ANO3: variants seen among roughly 807,000 people sequenced by gnomAD.
ANO3 encodes the protein anoctamin 3.
A neutral mutation model predicts 144.8 loss-of-function variants in ANO3; 99 were observed. The ratio of observed to expected loss-of-function variants is 0.68; its 90% CI spans 0.58 to 0.81. The LOEUF is 0.81. Ranked by LOEUF, ANO3 falls within the 30% of genes least tolerant of loss-of-function variation. The pLI, the probability that ANO3 is intolerant of heterozygous loss-of-function variation, is 0.00. For missense variants in ANO3, 905 were observed against 1,202.2 expected (o/e 0.75, Z 3.66); for synonymous variants, 414 against 392.6 (o/e 1.05, Z -0.64).
intron 1 of ANO3, among the ~76,000 whole-genome samples, chr11:26,408,986 G>A (rs1292904814): frequency 1.3e-5 from 2 of 151,518 alleles, no homozygotes; most frequent in East Asian, 2.0e-4. Context: ...GGGGTGGGGG[G>A]AGTGGGGAGG....
chr11:26,293,539 A>G (rs1854013305), intron 1 of ANO3, among the ~76,000 whole-genome samples: 3 of 88,338 alleles, frequency 3.4e-5, no homozygotes, highest in Admixed American at 1.2e-4. Flanking sequence ...CCATGTATAT[A>G]TATATATATA....
intron 1 of ANO3, among the ~76,000 whole-genome samples, chr11:26,407,708 C>T (rs914818487): frequency 1.3e-5 from 2 of 151,838 alleles, no homozygotes; most frequent in African/African-American, 4.8e-5. Flanking sequence ...AGCTTAAAAT[C>T]TTGCAATGGC....
At chr11:26,338,427 G>A (rs922291936) in intron 1 of ANO3, among the ~76,000 whole-genome samples, 2 of 152,224 alleles carry the variant, frequency 1.3e-5, no homozygotes, top group South Asian at 2.1e-4. Flanking sequence ...ACCTATCAGT[G>A]CTCTGTAAAA....
intron 1 of ANO3, among the ~76,000 whole-genome samples, chr11:26,358,891 A>G (rs1036610610): frequency 1.3e-5 from 2 of 152,128 alleles, no homozygotes; most frequent in African/African-American, 4.8e-5. Context: ...GGTTTTTCTC[A>G]TAAAATTTTG....
At chr11:26,479,954 A>G (rs996844581) in intron 4 of ANO3, among the ~76,000 whole-genome samples, 1 of 152,164 alleles carries the variant, frequency 6.6e-6, no homozygotes, top group East Asian at 1.9e-4. Context: ...TGAAAATGTC[A>G]TCGCTAGGGG....
intron 1 of ANO3, among the ~76,000 whole-genome samples, chr11:26,226,559 T>C (rs998870932): frequency 6.6e-6 from 1 of 152,174 alleles, no homozygotes; most frequent in Non-Finnish European, 1.5e-5. Context: ...CTTGAAATCA[T>C]AGTATATGAC....
chr11:26,377,395 A>G (rs1379639766), intron 1 of ANO3, among the ~76,000 whole-genome samples: 1 of 152,150 alleles, frequency 6.6e-6, no homozygotes, highest in African/African-American at 2.4e-5. Flanking sequence ...CCACATGAGC[A>G]TATTCATATA....
At chr11:26,640,143 T>C (rs7110072) in intron 21 of ANO3, among the ~76,000 whole-genome samples, 130,442 of 152,166 alleles carry the variant, frequency 0.86, 56,569 homozygotes, top group Non-Finnish European at 0.93. Flanking sequence ...AGCCTTAGAG[T>C]ATAGGCTGTG....
At chr11:26,470,600 CTATT>C (rs1045555072) in intron 4 of ANO3, among the ~76,000 whole-genome samples, 6 of 151,762 alleles carry the variant, frequency 4.0e-5, no homozygotes, top group Admixed American at 1.3e-4. Flanking sequence ...AATCTCTAAA[CTATT>C]TAAGGATAAT....
chr11:26,573,425 T>C (rs556872258), intron 14 of ANO3, among the ~76,000 whole-genome samples: 1 of 152,320 alleles, frequency 6.6e-6, no homozygotes, highest in Non-Finnish European at 1.5e-5. Flanking sequence ...AGTGGCTTAA[T>C]AGAATTCAAT....
chr11:26,243,037 G>A (rs1256523806), intron 1 of ANO3, among the ~76,000 whole-genome samples: 2 of 152,084 alleles, frequency 1.3e-5, no homozygotes, highest in Non-Finnish European at 2.9e-5. Flanking sequence ...GATTTCCTAG[G>A]TCTTGGTAAG....
chr11:26,441,863 T>C (rs1858531767), intron 1 of ANO3, 55 bp from the exon 2 acceptor site: 7 of 1,348,716 alleles, frequency 5.2e-6, no homozygotes, highest in Non-Finnish European at 7.2e-6. Context: ...AAACTTTTTA[T>C]TGACCTCTAC....
At chr11:26,264,643 C>A (rs1318223466) in intron 1 of ANO3, among the ~76,000 whole-genome samples, 1 of 152,056 alleles carries the variant, frequency 6.6e-6, no homozygotes, top group Admixed American at 6.6e-5. Context: ...TTTATTTTCC[C>A]TCAGTCCTGG....
intron 4 of ANO3, among the ~76,000 whole-genome samples, chr11:26,472,144 A>G (rs1450582662): frequency 6.6e-6 from 1 of 151,974 alleles, no homozygotes; most frequent in East Asian, 1.9e-4. Flanking sequence ...CTCAAATCAA[A>G]TAGTTCTCTA....
intron 4 of ANO3, among the ~76,000 whole-genome samples, chr11:26,478,344 T>C (rs1281232310): frequency 6.6e-6 from 1 of 152,144 alleles, no homozygotes. Flanking sequence ...TAACCTAGAA[T>C]AGCCTTTGTT....
chr11:26,255,884 G>A (rs577748719), intron 1 of ANO3, among the ~76,000 whole-genome samples: 1 of 152,262 alleles, frequency 6.6e-6, no homozygotes, highest in South Asian at 2.1e-4. Context: ...ATCCTCATCA[G>A]GACCCTGTTT....
Position 26,624,607 on chromosome 11 carries a change from G to C in ANO3, c.1873+109G>C. ...CATTTTAATAACTGCAATTATTTAA[G>C]TATTTACCAATTAAAAAGGAGAGGG... On this transcript the variant is annotated intron_variant, in intron 18 of 26. Transcript: ENST00000256737. 8.9e-6 allele frequency: 7 copies of C among 782,628 alleles called. No homozygotes were observed. In the South Asian group the frequency reaches 9.2e-5, roughly 10 times the overall value. The allele number at this position is 782,628 out of a possible 1,614,324, so 48.5% of individuals were successfully genotyped here. A position where few individuals can be genotyped will look rare whatever the true frequency, so the allele number is the denominator to read the frequency against.
intron 4 of ANO3, among the ~76,000 whole-genome samples, chr11:26,497,262 A>G (rs1445835234): frequency 2.0e-5 from 3 of 151,770 alleles, no homozygotes; most frequent in African/African-American, 7.3e-5. Flanking sequence ...ATACAGACAC[A>G]CACAGAAATA....
chr11:26,470,140 T>A (rs1271783638), intron 4 of ANO3, among the ~76,000 whole-genome samples: 1 of 151,874 alleles, frequency 6.6e-6, no homozygotes, highest in East Asian at 1.9e-4. Flanking sequence ...AGCTCATGCC[T>A]ATAATCCCAG....
Sources: allele counts gnomAD v4.1 joint callset (sites outside exome capture counted in the v4.1 genomes callset), GRCh38; gene constraint gnomAD v4.1.1; transcripts MANE v1.5; gene names NCBI Gene and HGNC (gene_info 2026-07-23, HGNC 2026-07-21).